The following FOXN3 variants were observed in gnomAD, a reference collection of about 807,000 sequenced individuals.
The protein encoded by FOXN3 is forkhead box protein N3.
In FOXN3, 7 loss-of-function variants were observed where a neutral mutation model predicts 38.4. That is an observed-to-expected ratio of 0.18 (90% confidence interval 0.10 to 0.34). The LOEUF (loss-of-function observed/expected upper bound fraction) is 0.34, where lower values mean the gene tolerates loss of function less well. Among genes scored for constraint, FOXN3 ranks in the 10% least tolerant of loss-of-function variants. The pLI is 1.00. For missense variants in FOXN3, 456 were observed against 613.4 expected (o/e 0.74, Z 2.71); for synonymous variants, 230 against 242.2 (o/e 0.95, Z 0.47).
In FOXN3 at chr14:89,511,122, GTCTT is replaced by G. The variant is rs139002087; in HGVS notation, c.-14-98636_-14-98633del. ...AAGCATCTCAAAAGACCTGCTTGGT[GTCTT>G]TCTTTCTTTCTTTCTTTTCTTTCTT... is the stretch of plus-strand genomic sequence containing the variant. On this transcript the variant is annotated intron_variant, in intron 1 of 6. Coordinates refer to the FOXN3 transcript ENST00000345097. 1.6e-3 allele frequency among the ~76,000 whole-genome samples: 59 copies of G among 37,832 alleles called. 2 individuals are homozygous for G. The highest frequency in any genetic ancestry group is 3.7e-3 in the Non-Finnish European group (32 of 8,618). 24.8% of individuals were successfully genotyped at this position (37,832 alleles called of 152,430 possible). A position where few individuals can be genotyped will look rare whatever the true frequency, so the allele number is the denominator to read the frequency against.
intron 1 of FOXN3, among the ~76,000 whole-genome samples, chr14:89,547,665 T>G (rs1334584636): frequency 6.6e-6 from 1 of 152,162 alleles, no homozygotes; most frequent in Non-Finnish European, 1.5e-5. Flanking sequence ...TGTAACCAAT[T>G]ATTTGTTACC....
intron 3 of FOXN3, among the ~76,000 whole-genome samples, chr14:89,341,462 C>T (rs954889011): frequency 8.5e-5 from 13 of 152,196 alleles, no homozygotes; most frequent in African/African-American, 3.1e-4. Context: ...ATCAATCCCC[C>T]ATTCTATGTT....
intron 1 of FOXN3, among the ~76,000 whole-genome samples, chr14:89,514,785 G>C (rs576452356): frequency 6.6e-6 from 1 of 152,246 alleles, no homozygotes; most frequent in Non-Finnish European, 1.5e-5. Flanking sequence ...CCTTCACTCA[G>C]TGCCTCCCAT....
chr14:89,548,102 C>A lies in FOXN3; in HGVS notation c.-15+70926G>T, dbSNP rs1414300284. Among the ~76,000 whole-genome samples, 1 of 152,178 alleles carries A rather than the reference C, an allele frequency of 6.6e-6. No homozygotes were observed. The highest frequency in any genetic ancestry group is 1.5e-5 in the Non-Finnish European group (1 of 68,024). ...CTGTTCAATTATTCACGATAGAACACTTGAGTTGAAATAAAAAATATCTAT... is the reference window on the plus strand; with the variant it reads ...CTGTTCAATTATTCACGATAGAACAATTGAGTTGAAATAAAAAATATCTAT... On this transcript the variant is annotated intron_variant, in intron 1 of 6. Coordinates refer to the FOXN3 transcript ENST00000345097. This position sits in a 1 kb window ranked among gnomAD's most constrained non-coding sequence, Gnocchi z 4.8.
chr14:89,519,029 A>G (rs959963311), intron 1 of FOXN3, among the ~76,000 whole-genome samples: 2 of 152,192 alleles, frequency 1.3e-5, no homozygotes, highest in African/African-American at 4.8e-5. Flanking sequence ...AAACAAAAAA[A>G]GAGAATAAGT....
At chr14:89,467,804 G>GTTTTTTTTTTT (rs68132432) in intron 1 of FOXN3, among the ~76,000 whole-genome samples, 2 of 56,578 alleles carry the variant, frequency 3.5e-5, no homozygotes, top group African/African-American at 6.7e-5. Context: ...TTCTTTCTTT[G>GTTTTTTTTTTT]TTTTTTTTTT....
chr14:89,544,126 T>C lies in FOXN3; in HGVS notation c.-15+74902A>G, dbSNP rs1481192220. Among the ~76,000 whole-genome samples the C allele has an allele frequency of 2.6e-5, 4 of 152,034 alleles. No homozygotes were observed. The East Asian group carries it at 7.7e-4, about 29-fold the overall frequency. On this transcript the variant is annotated intron_variant, in intron 1 of 6. Transcript: ENST00000345097. Reference sequence around the variant, plus strand: ...TGTTTTGTTTTTTGAGACAGAGTCTTGCTCTGTCGCCCAGGCTGGAGTCTC... The same window carrying C: ...TGTTTTGTTTTTTGAGACAGAGTCTCGCTCTGTCGCCCAGGCTGGAGTCTC...
At chr14:89,574,382 T>G (rs534118949) in intron 1 of FOXN3, among the ~76,000 whole-genome samples, 1 of 152,280 alleles carries the variant, frequency 6.6e-6, no homozygotes, top group South Asian at 2.1e-4. Context: ...CAGAATAAGG[T>G]TTCTGGTCTT....
chr14:89,205,744 C>G (rs1461986390), intron 4 of FOXN3, among the ~76,000 whole-genome samples: 2 of 152,132 alleles, frequency 1.3e-5, no homozygotes, highest in African/African-American at 4.8e-5. Flanking sequence ...TGAAAGAGCG[C>G]CCTGTAACAC....
At chr14:89,592,710 G>A (rs538284577) in intron 1 of FOXN3, among the ~76,000 whole-genome samples, 121 of 152,310 alleles carry the variant, frequency 7.9e-4, no homozygotes, top group African/African-American at 2.8e-3. Flanking sequence ...TTCACCTCCT[G>A]TGCTCACTTA....
chr14:89,206,384 T>C (rs780995887), intron 4 of FOXN3, among the ~76,000 whole-genome samples: 1 of 152,158 alleles, frequency 6.6e-6, no homozygotes, highest in African/African-American at 2.4e-5. Context: ...CTAAGCCAAA[T>C]AGAGCTCTTC....
intron 1 of FOXN3, among the ~76,000 whole-genome samples, chr14:89,478,521 C>T (rs986530410): frequency 2.6e-5 from 4 of 152,134 alleles, no homozygotes; most frequent in Non-Finnish European, 2.9e-5. Context: ...AATCTTACTT[C>T]CAATTATCAG....
At chr14:89,559,169 AGCCTGGGCAATATAGTG>A (rs1895193950) in intron 1 of FOXN3, among the ~76,000 whole-genome samples, 2 of 150,738 alleles carry the variant, frequency 1.3e-5, no homozygotes, top group African/African-American at 4.9e-5. Flanking sequence ...GTTCAAGACC[AGCCTGGGCAATATAGTG>A]AGACCGCCCC....
intron 1 of FOXN3, among the ~76,000 whole-genome samples, chr14:89,436,798 G>C (rs1892284392): frequency 6.6e-6 from 1 of 152,196 alleles, no homozygotes; most frequent in Non-Finnish European, 1.5e-5. Context: ...AGATTTGATA[G>C]GAATAAACAG....
At chr14:89,265,756 T>C (rs1885960518) in intron 4 of FOXN3, among the ~76,000 whole-genome samples, 1 of 152,238 alleles carries the variant, frequency 6.6e-6, no homozygotes, top group African/African-American at 2.4e-5. Flanking sequence ...ATCGTCCTAC[T>C]TGAGACTCTT....
Position 89,417,008 on chromosome 14 carries a change from GGCGGGCGGCGGGGGGCGGCCGCGGGC to G in FOXN3, c.-178_-153del, listed in dbSNP as rs1891758436. ...GGGCGCGGCGCGGCGAGCCCGGGGC[GGCGGGCGGCGGGGGGCGGCCGCGGGC>G]GCGGGCGGCAGGGGCGCGGGGGTCG... On this transcript the variant is annotated 5_prime_UTR_variant, in exon 1 of 6. An upstream open reading frame in the 5' UTR gains an earlier in-frame stop. Transcript: ENST00000557258. 6.9e-6 allele frequency: 1 copy of G among 145,484 alleles called. No individual in the cohort carries two copies. Among genetic ancestry groups the G allele is most frequent in the South Asian group, 2.0e-4 (1 of 4,932 alleles). The allele number at this position is 145,484 out of a possible 1,614,324, so 9.0% of individuals were successfully genotyped here.
chr14:89,429,978 T>C (rs1892121474), intron 1 of FOXN3, among the ~76,000 whole-genome samples: 1 of 152,212 alleles, frequency 6.6e-6, no homozygotes, highest in Non-Finnish European at 1.5e-5. Context: ...CGTTCTTCTG[T>C]TTACTTTTTT....
chr14:89,329,302 TTTCA>T (rs1362253651), intron 3 of FOXN3, among the ~76,000 whole-genome samples: 1 of 152,206 alleles, frequency 6.6e-6, no homozygotes, highest in African/African-American at 2.4e-5. Flanking sequence ...CCAAGCTCTT[TTTCA>T]TTATTATTTC....
rs1887170339 is a variant in FOXN3, at chr14:89,163,824, A to T, written c.852-855T>A. Among the ~76,000 whole-genome samples the T allele has an allele frequency of 6.6e-6, 1 of 152,168 alleles. No individual in the cohort carries two copies. The highest frequency in any genetic ancestry group is 1.5e-5 in the Non-Finnish European group (1 of 68,032). On this transcript the variant is annotated intron_variant, in intron 5 of 5. Transcript: ENST00000557258. This position sits in a 1 kb window ranked among gnomAD's most constrained non-coding sequence, Gnocchi z 4.3. ...AAGTCACACAACTGATCACTTGCGG[A>T]GCAGGGACTGGAATCAAAGTCTGAC...
Sources: allele counts gnomAD v4.1 joint callset (sites outside exome capture counted in the v4.1 genomes callset), GRCh38; gene constraint gnomAD v4.1.1; non-coding constraint Gnocchi (gnomAD v3.1); transcripts MANE v1.5; gene names NCBI Gene and HGNC (gene_info 2026-07-23, HGNC 2026-07-21).